FAM234B: variants seen among roughly 807,000 people sequenced by gnomAD.
The protein encoded by FAM234B is protein FAM234B.
A neutral mutation model predicts 69.3 loss-of-function variants in FAM234B; 33 were observed. The ratio of observed to expected loss-of-function variants is 0.48; its 90% CI spans 0.36 to 0.64. The LOEUF (loss-of-function observed/expected upper bound fraction) is 0.64, where lower values mean the gene tolerates loss of function less well. Among genes scored for constraint, FAM234B ranks in the 30% least tolerant of loss-of-function variants. FAM234B has a pLI of 0.00. For missense variants in FAM234B, 697 were observed against 769.7 expected (o/e 0.91, Z 1.12); for synonymous variants, 306 against 306.9 (o/e 1.00, Z 0.03).
At chr12:13,055,447 G>A in intron 1 of FAM234B, 104 bp from the exon 2 acceptor site, 1 of 1,174,280 alleles carries the variant, frequency 8.5e-7, no homozygotes, top group Non-Finnish European at 1.2e-6. Context: ...GGATTTTTTT[G>A]TTTTAGTTTT....
rs762585394 is a variant in FAM234B, at chr12:13,054,369, G to A, written c.38-1182G>A. On this transcript the variant is annotated intron_variant, in intron 1 of 12. Transcript: ENST00000197268. ...TCTTCACAATTTATGTTCTTCTGCC[G>A]TGGTTCCAGCTGGTCCCTCCATTTG... Among the ~76,000 whole-genome samples the A allele has an allele frequency of 3.9e-5, 6 of 152,252 alleles. No individual in the cohort carries two copies. In the South Asian group the frequency reaches 8.3e-4, roughly 21 times the overall value.
intron 11 of FAM234B, among the ~76,000 whole-genome samples, chr12:13,078,358 G>C: frequency 6.6e-6 from 1 of 152,170 alleles, no homozygotes; most frequent in Non-Finnish European, 1.5e-5. Flanking sequence ...CCTATGTCCT[G>C]AATGGTAATG....
At chr12:13,061,277 G>A (rs560202101) in intron 3 of FAM234B, among the ~76,000 whole-genome samples, 1 of 152,326 alleles carries the variant, frequency 6.6e-6, no homozygotes, top group Non-Finnish European at 1.5e-5. Flanking sequence ...TCACCATTTA[G>A]TTGGGGCCGA....
chr12:13,076,143 G>C lies in FAM234B; in HGVS notation c.1642G>C (p.Val548Leu). 6.2e-7 allele frequency: 1 copy of C among 1,607,018 alleles called. No individual in the cohort carries two copies. The highest frequency in any genetic ancestry group is 8.5e-7 in the Non-Finnish European group (1 of 1,173,526). ...NTTGTVTASE[V>L]GINDLWKDAF... ...CACCGGCACAGTGACGGCTTCAGAG[G>C]GTGAGTCCCAGTGCCAGCGGGAGTC... Residue 548 changes from valine (V) to leucine (L), a missense_variant and splice_region_variant, in exon 11 of 13, where the codon GTT (valine) becomes CTT (leucine). Physicochemically the swap from Val to Leu is conservative, Grantham distance 32. Around this residue, in one of 3 missense-constraint regions of FAM234B, gnomAD observed 313 missense variants for 305.5 expected, o/e 1.02. Coordinates refer to ENST00000197268, the MANE Select transcript of FAM234B (RefSeq NM_020853.2).
Position 13,055,615 on chromosome 12 carries a change from A to G in FAM234B, c.102A>G (p.Glu34=). 1 of 1,614,170 alleles carries G rather than the reference A, an allele frequency of 6.2e-7. No homozygotes were observed. The highest frequency in any genetic ancestry group is 1.3e-5 in the African/African-American group (1 of 75,054). ...CCCAGGCTGACAGTGATGAGAGCGA[A>G]GACGATCTGGTGCTTAACCTGCAGA... ...PLTQADSDES[E]DDLVLNLQKN... is the part of the protein sequence containing the mutation. Residue 34 remains glutamate, a synonymous_variant, in exon 2 of 13, where the codon GAA becomes GAG. Coordinates refer to ENST00000197268, the MANE Select transcript of FAM234B (RefSeq NM_020853.2).
At chr12:13,075,298 AATAGATTAC>A (rs1241302824) in intron 10 of FAM234B, among the ~76,000 whole-genome samples, 1 of 152,182 alleles carries the variant, frequency 6.6e-6, no homozygotes, top group African/African-American at 2.4e-5. Flanking sequence ...TGTTTTCATG[AATAGATTAC>A]ATCTCCACAA....
intron 5 of FAM234B, among the ~76,000 whole-genome samples, chr12:13,065,945 C>G (rs565081004): frequency 3.3e-5 from 5 of 152,160 alleles, no homozygotes; most frequent in African/African-American, 1.2e-4. Flanking sequence ...GGTGACTCTA[C>G]CCCAAAAGAA....
At chr12:13,064,273 A>G (rs1289743368) in intron 5 of FAM234B, among the ~76,000 whole-genome samples, 19 of 152,232 alleles carry the variant, frequency 1.2e-4, no homozygotes, top group Non-Finnish European at 7.3e-5. Context: ...GGAATTATTC[A>G]TGTAATCTTT....
intron 1 of FAM234B, among the ~76,000 whole-genome samples, chr12:13,052,323 G>T (rs1415536923): frequency 1.3e-5 from 2 of 152,096 alleles, no homozygotes; most frequent in Admixed American, 1.3e-4. Context: ...GTAAGTTTGG[G>T]ATAGGGGTGG....
intron 3 of FAM234B, among the ~76,000 whole-genome samples, chr12:13,059,151 G>A (rs1488978768): frequency 2.0e-5 from 3 of 152,190 alleles, no homozygotes; most frequent in Non-Finnish European, 2.9e-5. Context: ...GAGTAAGAGT[G>A]TGAGGGGAGG....
chr12:13,061,531 C>G (rs1864982114), intron 3 of FAM234B, 44 bp from the exon 4 acceptor site: 3 of 1,545,994 alleles, frequency 1.9e-6, no homozygotes, highest in South Asian at 1.2e-5. Context: ...CCTCTTATCT[C>G]CTTTGCCTGC....
chr12:13,053,994 A>C (rs1213850439), intron 1 of FAM234B, among the ~76,000 whole-genome samples: 3 of 152,218 alleles, frequency 2.0e-5, no homozygotes, highest in Non-Finnish European at 2.9e-5. Context: ...ATATGGCTCT[A>C]TTCTACCCGA....
At position 13,080,629 on chromosome 12, in the gene FAM234B, A is replaced by AATTTTTTCT. The variant is rs1212614245; in HGVS notation, c.*1_*2insTTTTTCTAT. On this transcript the variant is annotated inframe_insertion and stop_retained_variant, in exon 13 of 13. Transcript: ENST00000197268. The stretch of plus-strand genomic sequence containing the variant: ...ACGATAACTCTTTTTCCATAGATCT[A>AATTTTTTCT]ATCTGATGGAATCTTCAGTTGCAGA... 2 of 1,604,946 alleles carry AATTTTTTCT rather than the reference A, an allele frequency of 1.2e-6. No homozygotes were observed. Among genetic ancestry groups the AATTTTTTCT allele is most frequent in the Non-Finnish European group, 1.7e-6 (2 of 1,171,706 alleles).
At chr12:13,074,403 T>TA (rs1178618817) in intron 10 of FAM234B, among the ~76,000 whole-genome samples, 1 of 152,146 alleles carries the variant, frequency 6.6e-6, no homozygotes, top group Non-Finnish European at 1.5e-5. Flanking sequence ...CCTAGGGTAA[T>TA]AAGGGAGCTT....
At position 13,061,667 on chromosome 12, in the gene FAM234B, A is replaced by G; in HGVS notation, c.625A>G (p.Ile209Val). 1.9e-6 allele frequency: 3 copies of G among 1,614,110 alleles called. No homozygotes were observed. The highest frequency in any genetic ancestry group is 2.5e-6 in the Non-Finnish European group (3 of 1,180,016). The change falls in exon 4 of 13, where the codon ATC becomes GTC. Residue 209 changes from isoleucine to valine, a missense_variant. Ile to Val is a conservative substitution (Grantham distance 29, BLOSUM62 3). Around this residue, in one of 3 missense-constraint regions of FAM234B, gnomAD observed 380 missense variants for 447.1 expected, o/e 0.85. Transcript: ENST00000197268. ...SSLLPEEARD[I>V]TCLELMPGSL... Reference sequence around the variant, plus strand: ...TCTTCTCCCTGAGGAGGCTCGAGATATCACATGTTTGGAGCTGATGCCAGG... The same window carrying G: ...TCTTCTCCCTGAGGAGGCTCGAGATGTCACATGTTTGGAGCTGATGCCAGG...
intron 11 of FAM234B, among the ~76,000 whole-genome samples, chr12:13,076,405 A>T (rs909188212): frequency 1.3e-5 from 2 of 152,148 alleles, no homozygotes; most frequent in Non-Finnish European, 2.9e-5. Context: ...TAAGGTGATG[A>T]TTCATCCAGC....
At position 13,081,225 on chromosome 12, in the gene FAM234B, G is replaced by T. The variant is rs181499207; in HGVS notation, c.*595G>T. Reference sequence around the variant, plus strand: ...AGAATGAGAAAGATTTATAGTGGAAGACTGAGTTAGCCATCCAAGCATTTT... The same window carrying T: ...AGAATGAGAAAGATTTATAGTGGAATACTGAGTTAGCCATCCAAGCATTTT... On this transcript the variant is annotated 3_prime_UTR_variant, in exon 13 of 13. Transcript: ENST00000197268. 1 of 152,344 alleles carries T rather than the reference G, an allele frequency of 6.6e-6. No individual in the cohort carries two copies. Among genetic ancestry groups the T allele is most frequent in the East Asian group, 1.9e-4 (1 of 5,184 alleles). The allele number at this position is 152,344 out of a possible 1,614,324, so 9.4% of individuals were successfully genotyped here.
chr12:13,066,057 C>A (rs944151189), intron 5 of FAM234B, among the ~76,000 whole-genome samples: 5 of 152,314 alleles, frequency 3.3e-5, no homozygotes, highest in Middle Eastern at 3.4e-3. Flanking sequence ...CACACCCATT[C>A]ATTTATGTGT....
rs1420245690 is a variant in FAM234B at position 13,082,931 on chromosome 12, T to A, written c.*2301T>A. 6.6e-6 allele frequency: 1 copy of A among 152,232 alleles called. No homozygotes were observed. Among genetic ancestry groups the A allele is most frequent in the Non-Finnish European group, 1.5e-5 (1 of 68,042 alleles). The allele number at this position is 152,232 out of a possible 1,614,324, so 9.4% of individuals were successfully genotyped here. ...GCAAACTAACTTAACATAGATTCTT[T>A]TGACTATGGTAAGTTTGAATCTCTC... is the stretch of plus-strand genomic sequence containing the variant. On this transcript the variant is annotated 3_prime_UTR_variant, in exon 13 of 13. Coordinates refer to ENST00000197268, the MANE Select transcript of FAM234B (RefSeq NM_020853.2).
Sources: gnomAD v4.1 joint callset for allele counts (sites outside exome capture counted in the v4.1 genomes callset) on GRCh38, gnomAD v4.1.1 for gene constraint, gnomAD v4.1.1 regional missense constraint, MANE v1.5 for transcripts, NCBI Gene and HGNC (gene_info 2026-07-23, HGNC 2026-07-21) for gene names.